Variants in GPC5 observed in about 807,000 individuals in gnomAD.
GPC5 encodes the protein glypican 5.
In GPC5, 47 loss-of-function variants were observed where a neutral mutation model predicts 53.9. The ratio of observed to expected loss-of-function variants is 0.87; its 90% CI spans 0.69 to 1.11. GPC5 has a LOEUF of 1.11. GPC5 is among the 50% of genes most tolerant of loss of function. The pLI, the probability that GPC5 is intolerant of heterozygous loss-of-function variation, is 0.00. For missense variants in GPC5, 748 were observed against 713.1 expected, an observed-to-expected ratio of 1.05 and a Z score of -0.56; for synonymous variants, 286 against 263.3, an observed-to-expected ratio of 1.09 and a Z score of -0.84.
chr13:92,289,563 T>A (rs571001737), intron 7 of GPC5, among the ~76,000 whole-genome samples: 1 of 152,096 alleles, frequency 6.6e-6, no homozygotes, highest in Admixed American at 6.6e-5. Flanking sequence ...TACTGCAATA[T>A]GTTTATGAAT....
At chr13:92,755,951 A>C (rs1226337528) in intron 7 of GPC5, among the ~76,000 whole-genome samples, 2 of 151,494 alleles carry the variant, frequency 1.3e-5, no homozygotes, top group Non-Finnish European at 2.9e-5. Flanking sequence ...ATCAATAGGA[A>C]AAGAGGGAAT....
At chr13:91,453,251 T>G (rs1447535004) in intron 2 of GPC5, among the ~76,000 whole-genome samples, 1 of 151,956 alleles carries the variant, frequency 6.6e-6, no homozygotes, top group Non-Finnish European at 1.5e-5. Context: ...TAAATATATT[T>G]AAAAAGCAGG....
At chr13:92,500,797 G>A (rs540725017) in intron 7 of GPC5, among the ~76,000 whole-genome samples, 2 of 152,214 alleles carry the variant, frequency 1.3e-5, no homozygotes, top group African/African-American at 4.8e-5. Context: ...CTCACCACCT[G>A]CCTTAGATAT....
chr13:91,423,004 C>CA (rs1263508248), intron 1 of GPC5, among the ~76,000 whole-genome samples: 2 of 151,928 alleles, frequency 1.3e-5, no homozygotes, highest in Admixed American at 1.3e-4. Context: ...AAAAGCACAG[C>CA]AAAAAAGTAC....
intron 7 of GPC5, among the ~76,000 whole-genome samples, chr13:92,387,835 G>A (rs1410599513): frequency 1.3e-5 from 2 of 152,018 alleles, no homozygotes; most frequent in African/African-American, 4.8e-5. Flanking sequence ...AACTCAAACG[G>A]TTGTTTTGAA....
rs544934325 is a variant in GPC5 at position 92,424,697 on chromosome 13, T to G, written c.1561+279708T>G. On this transcript the variant is annotated intron_variant, in intron 7 of 7. Coordinates refer to ENST00000377067, the MANE Select transcript of GPC5 (RefSeq NM_004466.6). ...TCTCTTCCACTAGTCTCACCTTTTT[T>G]GATTACTTTTATTTAGAAATGGATA... 3.3e-5 allele frequency among the ~76,000 whole-genome samples: 5 copies of G among 152,156 alleles called. 1 individual carries two copies. Among genetic ancestry groups the G allele is most frequent in the African/African-American group, 1.2e-4 (5 of 41,554 alleles).
intron 2 of GPC5, among the ~76,000 whole-genome samples, chr13:91,517,900 A>T (rs1410883082): frequency 1.3e-5 from 2 of 152,136 alleles, no homozygotes; most frequent in African/African-American, 4.8e-5. Flanking sequence ...CTATCATGAG[A>T]ATAGCACAGG....
chr13:92,732,068 T>A (rs1888822123), intron 7 of GPC5, among the ~76,000 whole-genome samples: 1 of 151,422 alleles, frequency 6.6e-6, no homozygotes, highest in Non-Finnish European at 1.5e-5. Context: ...AATTTTTTTT[T>A]AAATAGAAGC....
intron 7 of GPC5, among the ~76,000 whole-genome samples, chr13:92,780,769 A>T (rs1432867413): frequency 2.0e-5 from 3 of 152,102 alleles, no homozygotes. Flanking sequence ...ATGCTATGAA[A>T]GTATATTCAA....
At chr13:91,720,639 C>T (rs935281348) in intron 3 of GPC5, among the ~76,000 whole-genome samples, 2 of 152,156 alleles carry the variant, frequency 1.3e-5, no homozygotes, top group Non-Finnish European at 2.9e-5. Context: ...CTTGAGCTTT[C>T]AGTTCAGGTA....
chr13:91,431,916 C>A (rs1009007319), intron 1 of GPC5, among the ~76,000 whole-genome samples: 2 of 152,158 alleles, frequency 1.3e-5, no homozygotes, highest in African/African-American at 2.4e-5. Flanking sequence ...GTGTATAGAT[C>A]AGTTGAAGCA....
chr13:91,615,884 G>A (rs1167033640), intron 2 of GPC5, among the ~76,000 whole-genome samples: 1 of 151,998 alleles, frequency 6.6e-6, no homozygotes, highest in African/African-American at 2.4e-5. Flanking sequence ...TATACTACTA[G>A]GATAGTTTCA....
chr13:92,036,757 A>G (rs2040896185), intron 6 of GPC5, among the ~76,000 whole-genome samples: 2 of 152,326 alleles, frequency 1.3e-5, no homozygotes, highest in East Asian at 1.9e-4. Context: ...ACATCTCTGT[A>G]TATTGTATGA....
At chr13:92,481,503 T>A (rs1477947302) in intron 7 of GPC5, among the ~76,000 whole-genome samples, 1 of 152,128 alleles carries the variant, frequency 6.6e-6, no homozygotes, top group African/African-American at 2.4e-5. Context: ...GTTGGGCCAG[T>A]TGAGTTTGTC....
At chr13:92,797,877 T>TGATAGAC (rs1876753343) in intron 7 of GPC5, among the ~76,000 whole-genome samples, 1 of 151,316 alleles carries the variant, frequency 6.6e-6, no homozygotes, top group Non-Finnish European at 1.5e-5. Context: ...AGATGATAGA[T>TGATAGAC]GATAGATAGT....
At chr13:91,907,793 C>G (rs2039570237) in intron 5 of GPC5, 144 bp from the exon 6 acceptor site, 2 of 690,732 alleles carry the variant, frequency 2.9e-6, no homozygotes, top group South Asian at 4.0e-5. Flanking sequence ...AACATTACAG[C>G]TGTGCCAGTT....
chr13:92,233,641 C>A (rs2042547546), intron 7 of GPC5, among the ~76,000 whole-genome samples: 1 of 151,900 alleles, frequency 6.6e-6, no homozygotes, highest in Non-Finnish European at 1.5e-5. Flanking sequence ...TTTTTTTATG[C>A]TGGATGTTAC....
chr13:92,862,025 T>G (rs1879198564), intron 7 of GPC5, among the ~76,000 whole-genome samples: 1 of 152,196 alleles, frequency 6.6e-6, no homozygotes, highest in African/African-American at 2.4e-5. Context: ...CCAGCTAGAC[T>G]GTGGCAAAGC....
At chr13:92,147,063 TTG>T (rs1281849314) in intron 7 of GPC5, among the ~76,000 whole-genome samples, 2 of 152,074 alleles carry the variant, frequency 1.3e-5, no homozygotes, top group Non-Finnish European at 2.9e-5. Context: ...AGTCATGAAA[TTG>T]TGTCATTAAA....
Sources: allele counts gnomAD v4.1 joint callset (sites outside exome capture counted in the v4.1 genomes callset), GRCh38; gene constraint gnomAD v4.1.1; transcripts MANE v1.5; gene names NCBI Gene and HGNC (gene_info 2026-07-23, HGNC 2026-07-21).